OSMR: variants seen among roughly 807,000 people sequenced by gnomAD.
OSMR encodes oncostatin M receptor.
Under a neutral mutation model 99.9 loss-of-function variants are expected in OSMR, and 81 were observed. The observed-to-expected ratio is 0.81, with a 90% CI of 0.68 to 0.97. The LOEUF (loss-of-function observed/expected upper bound fraction) is 0.97, where lower values mean the gene tolerates loss of function less well. Among genes scored for constraint, OSMR ranks in the 50% least tolerant of loss-of-function variants. The probability of loss-of-function intolerance (pLI) is 0.00; values close to 1 mark genes in which losing one functional copy is unlikely to be tolerated. For missense variants in OSMR, 1,099 were observed against 1,153.4 expected (o/e 0.95, Z 0.68); for synonymous variants, 406 against 410.4 (o/e 0.99, Z 0.13).
intron 7 of OSMR, among the ~76,000 whole-genome samples, chr5:38,890,432 T>C (rs1379925528): frequency 5.9e-5 from 9 of 152,204 alleles, no homozygotes; most frequent in Non-Finnish European, 1.0e-4. Flanking sequence ...TTATAAACAT[T>C]TATCTAGTTC....
At chr5:38,917,155 A>C (rs886950885) in intron 9 of OSMR, among the ~76,000 whole-genome samples, 8 of 152,130 alleles carry the variant, frequency 5.3e-5, no homozygotes, top group Non-Finnish European at 1.0e-4. Flanking sequence ...GTTCCCCATC[A>C]CTGTGTCTCT....
chr5:38,851,257 G>C (rs748424379), intron 1 of OSMR, among the ~76,000 whole-genome samples: 1 of 152,172 alleles, frequency 6.6e-6, no homozygotes, highest in Non-Finnish European at 1.5e-5. Flanking sequence ...CTTAAAGTGA[G>C]TTATCTATAA....
chr5:38,920,209 T>C (rs890132878), intron 11 of OSMR, among the ~76,000 whole-genome samples: 3 of 152,138 alleles, frequency 2.0e-5, no homozygotes, highest in Admixed American at 6.5e-5. Context: ...CTAGACCTTC[T>C]GGTGAGAGGC....
At chr5:38,862,836 G>T (rs200735047) in intron 1 of OSMR, among the ~76,000 whole-genome samples, 1 of 150,894 alleles carries the variant, frequency 6.6e-6, no homozygotes, top group African/African-American at 2.4e-5. Context: ...AGGTTGTAGC[G>T]AGCCGAGATC....
At chr5:38,907,073 C>T (rs1373840207) in intron 9 of OSMR, among the ~76,000 whole-genome samples, 1 of 152,150 alleles carries the variant, frequency 6.6e-6, no homozygotes, top group East Asian at 1.9e-4. Flanking sequence ...AAGAGAAACA[C>T]ATCCCAAAAG....
chr5:38,935,828 A>G (rs572697092), downstream of OSMR, among the ~76,000 whole-genome samples: 33 of 152,138 alleles, frequency 2.2e-4, 1 homozygote, highest in South Asian at 5.6e-3. Flanking sequence ...GCATTCATCT[A>G]CACACTAAAC....
chr5:38,938,597 G>GAA (rs939475018), downstream of OSMR: 1 of 232,498 alleles, frequency 4.3e-6, no homozygotes, highest in African/African-American at 2.2e-5. Context: ...CTCCAAACAG[G>GAA]AAAAAAGTCC....
chr5:38,912,082 GA>G (rs1037912234), intron 9 of OSMR, among the ~76,000 whole-genome samples: 21 of 145,158 alleles, frequency 1.4e-4, no homozygotes, highest in Middle Eastern at 3.5e-3. Flanking sequence ...ACAAGAGAAA[GA>G]AAAAAAAAAG....
chr5:38,913,331 C>T (rs62352638), intron 9 of OSMR, among the ~76,000 whole-genome samples: 3,091 of 152,104 alleles, frequency 0.02, 56 homozygotes, highest in Non-Finnish European at 0.03. Context: ...AGGAGAATCA[C>T]GAGTTCAGGA....
At chr5:38,917,096 G>C (rs1416988683) in intron 9 of OSMR, among the ~76,000 whole-genome samples, 3 of 152,126 alleles carry the variant, frequency 2.0e-5, no homozygotes, top group Non-Finnish European at 4.4e-5. Context: ...GAGCGGGCCA[G>C]CCGTGGGTAT....
Position 38,917,491 on chromosome 5 carries a change from C to CATAT in OSMR, c.1286-54_1286-51dup. ...TTGACCGTCCTAGAAAAAGGTTGAG[C>CATAT]ATATTGCTTTACATACATATTGTGA... On this transcript the variant is annotated intron_variant, in intron 9 of 17. Coordinates refer to ENST00000274276, the MANE Select transcript of OSMR (RefSeq NM_003999.3). 1.9e-6 allele frequency: 3 copies of CATAT among 1,602,820 alleles called. No homozygotes were observed. In the East Asian group the frequency reaches 6.8e-5, roughly 36 times the overall value.
intron 7 of OSMR, among the ~76,000 whole-genome samples, chr5:38,892,412 C>T (rs1336268010): frequency 2.0e-5 from 3 of 152,154 alleles, no homozygotes; most frequent in Non-Finnish European, 2.9e-5. Context: ...CACCTGAACT[C>T]CAACCCCAGT....
At chr5:38,938,698 TCA>T (rs1747224886), downstream of OSMR, 2 of 232,628 alleles carry the variant, frequency 8.6e-6, no homozygotes, top group East Asian at 6.1e-5. Flanking sequence ...AGAAAGATTC[TCA>T]CAGATTTCAG....
At chr5:38,879,945 T>C (rs1001323639) in intron 3 of OSMR, among the ~76,000 whole-genome samples, 1 of 152,192 alleles carries the variant, frequency 6.6e-6, no homozygotes, top group African/African-American at 2.4e-5. Flanking sequence ...TTGACATTGC[T>C]CATGTTAAAT....
intron 9 of OSMR, among the ~76,000 whole-genome samples, chr5:38,912,018 A>G (rs1579771736): frequency 6.6e-6 from 1 of 151,662 alleles, no homozygotes; most frequent in East Asian, 1.9e-4. Flanking sequence ...AAGGATGTCC[A>G]CTCTCACCAC....
intron 15 of OSMR, among the ~76,000 whole-genome samples, chr5:38,930,788 A>C (rs1222763308): frequency 6.6e-6 from 1 of 152,192 alleles, no homozygotes; most frequent in Non-Finnish European, 1.5e-5. Context: ...AAGGAAGACA[A>C]AGGTTTTTAA....
At chr5:38,859,942 T>C (rs1396768424) in intron 1 of OSMR, among the ~76,000 whole-genome samples, 1 of 152,184 alleles carries the variant, frequency 6.6e-6, no homozygotes, top group Non-Finnish European at 1.5e-5. Flanking sequence ...ATTCTAAAAC[T>C]TTACTGAATT....
intron 8 of OSMR, 66 bp from the exon 9 acceptor site, chr5:38,904,287 C>T: frequency 1.3e-6 from 2 of 1,558,868 alleles, no homozygotes; most frequent in South Asian, 2.3e-5. Flanking sequence ...TAATGGGATG[C>T]ACTCACCAAT....
chr5:38,876,085 C>T, intron 2 of OSMR, 116 bp from the exon 3 acceptor site: 2 of 1,464,786 alleles, frequency 1.4e-6, no homozygotes, highest in South Asian at 1.4e-5. Flanking sequence ...CTAGGATGCA[C>T]ATATGAGCAA....
Sources: gnomAD v4.1 joint callset for allele counts (sites outside exome capture counted in the v4.1 genomes callset) on GRCh38, gnomAD v4.1.1 for gene constraint, MANE v1.5 for transcripts, NCBI Gene and HGNC (gene_info 2026-07-23, HGNC 2026-07-21) for gene names.